The following FHIT variants were observed in gnomAD, a reference collection of about 807,000 sequenced individuals.
FHIT encodes the protein bis(5'-adenosyl)-triphosphatase.
A neutral mutation model predicts 17.9 loss-of-function variants in FHIT; 19 were observed. The observed-to-expected ratio is 1.06, with a 90% CI of 0.74 to 1.56. FHIT has a LOEUF of 1.56. Ranked by LOEUF, FHIT falls within the 40% of genes most tolerant of loss-of-function variation. The pLI, the probability that FHIT is intolerant of heterozygous loss-of-function variation, is 0.00. For missense variants in FHIT, 248 were observed against 189.2 expected (o/e 1.31, Z -1.82); for synonymous variants, 81 against 69.7 (o/e 1.16, Z -0.81).
chr3:60,001,001 C>T (rs571190605), intron 7 of FHIT, among the ~76,000 whole-genome samples: 1 of 152,292 alleles, frequency 6.6e-6, no homozygotes, highest in Non-Finnish European at 1.5e-5. Flanking sequence ...AGGCGCCTGT[C>T]GTTCCCTGTT....
chr3:60,203,237 TA>T (rs952015684), intron 5 of FHIT, among the ~76,000 whole-genome samples: 23 of 151,110 alleles, frequency 1.5e-4, no homozygotes, highest in African/African-American at 2.2e-4. Context: ...AACACAAAGT[TA>T]AAAAAAAATG....
chr3:60,500,327 T>C (rs113407315), intron 5 of FHIT, among the ~76,000 whole-genome samples: 54 of 149,134 alleles, frequency 3.6e-4, no homozygotes, highest in African/African-American at 1.0e-3. Flanking sequence ...ACACAGTATA[T>C]GTTCTCAAAT....
intron 9 of FHIT, chr3:59,751,049 T>TAGGAGAGGA (rs1700868032): frequency 1.3e-5 from 2 of 155,626 alleles, no homozygotes; most frequent in Admixed American, 1.4e-4. Flanking sequence ...AAAGAAACTA[T>TAGGAGAGGA]TTATAGGAGA....
intron 5 of FHIT, among the ~76,000 whole-genome samples, chr3:60,276,672 G>A (rs778546398): frequency 1.3e-5 from 2 of 152,188 alleles, no homozygotes; most frequent in Admixed American, 6.5e-5. Flanking sequence ...AAAGAAAAGA[G>A]GTTTATTTGG....
chr3:61,132,584 T>G lies in FHIT; in HGVS notation c.-164+68033A>C, dbSNP rs976015771. ...CCTTATGGAAAATGTGACATTTACA[T>G]AGGGCCTCTTAGGATTAGGAGGAGC... On this transcript the variant is annotated intron_variant, in intron 2 of 9. Transcript: ENST00000492590. Among the ~76,000 whole-genome samples the G allele has an allele frequency of 2.6e-5, 4 of 152,128 alleles. No homozygotes were observed. In the East Asian group the frequency reaches 7.7e-4, roughly 29 times the overall value.
At chr3:59,846,664 A>G (rs549927995) in intron 8 of FHIT, among the ~76,000 whole-genome samples, 1 of 152,284 alleles carries the variant, frequency 6.6e-6, no homozygotes, top group East Asian at 1.9e-4. Context: ...TTACCAATAC[A>G]AAGACCTTTA....
chr3:60,280,319 A>T (rs895471514), intron 5 of FHIT, among the ~76,000 whole-genome samples: 3 of 152,198 alleles, frequency 2.0e-5, no homozygotes, highest in African/African-American at 7.2e-5. Context: ...GTAGTATAGT[A>T]GGCTGACTAA....
intron 8 of FHIT, among the ~76,000 whole-genome samples, chr3:59,834,036 A>G (rs1485726): frequency 0.91 from 138,686 of 152,252 alleles, 63,192 homozygotes; most frequent in East Asian, 1. Flanking sequence ...GTCTCACATA[A>G]TTCTTTATAG....
intron 7 of FHIT, among the ~76,000 whole-genome samples, chr3:59,949,795 T>A (rs1411706254): frequency 1.3e-5 from 2 of 152,236 alleles, no homozygotes; most frequent in East Asian, 3.8e-4. Flanking sequence ...CAGGCAATTG[T>A]TTAGCACCTC....
intron 8 of FHIT, among the ~76,000 whole-genome samples, chr3:59,798,674 G>A (rs1559615880): frequency 6.6e-6 from 1 of 152,224 alleles, no homozygotes; most frequent in Non-Finnish European, 1.5e-5. Context: ...TTTGGGTTTG[G>A]GAAGACCCGC....
chr3:60,332,524 C>T (rs1455644558), intron 5 of FHIT, among the ~76,000 whole-genome samples: 1 of 152,128 alleles, frequency 6.6e-6, no homozygotes, highest in Non-Finnish European at 1.5e-5. Context: ...TCATTCTTTT[C>T]CCCAGAGGGC....
chr3:60,356,799 G>T (rs1312855749), intron 5 of FHIT, among the ~76,000 whole-genome samples: 4 of 115,484 alleles, frequency 3.5e-5, no homozygotes, highest in South Asian at 3.0e-4. Flanking sequence ...AGAGTAAATT[G>T]TATGAATCAG....
chr3:60,750,179 A>T (rs1460229084), intron 4 of FHIT, among the ~76,000 whole-genome samples: 1 of 152,120 alleles, frequency 6.6e-6, no homozygotes, highest in Non-Finnish European at 1.5e-5. Flanking sequence ...GCATAGGATG[A>T]ACGTAGTCAA....
chr3:61,133,351 T>G (rs191126596), intron 2 of FHIT, among the ~76,000 whole-genome samples: 1 of 152,224 alleles, frequency 6.6e-6, no homozygotes, highest in African/African-American at 2.4e-5. Context: ...TCAAAAACTA[T>G]ATTTTGGAAG....
At chr3:61,083,647 C>A (rs1222052633) in intron 2 of FHIT, among the ~76,000 whole-genome samples, 1 of 152,182 alleles carries the variant, frequency 6.6e-6, no homozygotes, top group African/African-American at 2.4e-5. Context: ...TTCCTCCCAA[C>A]ACCTTCACCC....
chr3:60,683,879 A>G lies in FHIT; in HGVS notation c.-18+138040T>C, dbSNP rs115019084. ...TAATACATCTGATCATCAGGAATCA[A>G]TTAGTAACATCAAACAAGGGGTGTC... is the stretch of plus-strand genomic sequence containing the variant. On this transcript the variant is annotated intron_variant, in intron 4 of 9. Coordinates refer to ENST00000492590, the MANE Select transcript of FHIT (RefSeq NM_002012.4). 5.5e-3 allele frequency among the ~76,000 whole-genome samples: 836 copies of G among 152,304 alleles called. 15 individuals carry two copies. The highest frequency in any genetic ancestry group is 0.018 in the African/African-American group (769 of 41,570).
In FHIT at chr3:60,227,300, T is replaced by C. The variant is rs142942056; in HGVS notation, c.104-213148A>G. Among the ~76,000 whole-genome samples, 1,034 of 152,308 alleles carry C rather than the reference T, an allele frequency of 6.8e-3. 20 individuals carry two copies. The highest frequency in any genetic ancestry group is 0.067 in the South Asian group (324 of 4,826). ...TCATACATTATTAGATTTTATGGCA[T>C]GCATTTCAGAACTCTAATACCTTAA... is the stretch of plus-strand genomic sequence containing the variant. On this transcript the variant is annotated intron_variant, in intron 5 of 9. Transcript: ENST00000492590.
chr3:60,875,923 ATGTGTGTGTGTGTGTGTGTG>A (rs60177380), intron 3 of FHIT, among the ~76,000 whole-genome samples: 4 of 136,802 alleles, frequency 2.9e-5, no homozygotes, highest in African/African-American at 8.0e-5. Context: ...AAACTTATTC[ATGTGTGTGTGTGTGTGTGTG>A]TGTGTGTGTG....
At chr3:60,538,489 C>A (rs2036067825) in intron 4 of FHIT, among the ~76,000 whole-genome samples, 1 of 152,112 alleles carries the variant, frequency 6.6e-6, no homozygotes, top group African/African-American at 2.4e-5. Context: ...CCAAGTCAAT[C>A]CTAAGCCAAA....
Sources: allele counts gnomAD v4.1 joint callset (sites outside exome capture counted in the v4.1 genomes callset), GRCh38; gene constraint gnomAD v4.1.1; transcripts MANE v1.5; gene names NCBI Gene and HGNC (gene_info 2026-07-23, HGNC 2026-07-21).